DOCK4: variants seen among roughly 807,000 people sequenced by gnomAD.
The protein encoded by DOCK4 is dedicator of cytokinesis protein 4.
DOCK4 carries 97 observed loss-of-function variants against 268.1 expected under a neutral mutation model. The ratio of observed to expected loss-of-function variants is 0.36; its 90% confidence interval spans 0.31 to 0.43. The LOEUF (loss-of-function observed/expected upper bound fraction) is 0.43, where lower values mean the gene tolerates loss of function less well. Among genes scored for constraint, DOCK4 ranks in the 20% least tolerant of loss-of-function variants. The pLI, the probability that DOCK4 is intolerant of heterozygous loss-of-function variation, is 1.00. For synonymous variants in DOCK4, 954 were observed against 887.2 expected (o/e 1.08, Z -1.34); for missense variants, 2,145 against 2,455.7 (o/e 0.87, Z 2.67).
chr7:111,937,324 C>T (rs1323099427), intron 11 of DOCK4, among the ~76,000 whole-genome samples: 1 of 152,108 alleles, frequency 6.6e-6, no homozygotes, highest in Non-Finnish European at 1.5e-5. Context: ...ACTGTTTTGA[C>T]TGGTTAGTAT....
intron 5 of DOCK4, among the ~76,000 whole-genome samples, chr7:111,991,634 C>G (rs1799532880): frequency 6.6e-6 from 1 of 151,974 alleles, no homozygotes; most frequent in African/African-American, 2.4e-5. Context: ...GCATGAGACC[C>G]TAGGTAAATT....
chr7:111,994,743 G>A (rs191651892), intron 4 of DOCK4, among the ~76,000 whole-genome samples: 24 of 152,044 alleles, frequency 1.6e-4, no homozygotes, highest in Admixed American at 1.4e-3. Context: ...TCTTGATCTC[G>A]GTAACACTTA....
At chr7:112,118,111 T>A (rs1017593649) in intron 1 of DOCK4, among the ~76,000 whole-genome samples, 4 of 151,196 alleles carry the variant, frequency 2.6e-5, no homozygotes, top group Non-Finnish European at 5.9e-5. Flanking sequence ...ATCTCTGATC[T>A]TCTTGCAGAC....
intron 35 of DOCK4, among the ~76,000 whole-genome samples, chr7:111,780,040 G>A (rs755862591): frequency 6.6e-6 from 1 of 152,170 alleles, no homozygotes; most frequent in Non-Finnish European, 1.5e-5. Flanking sequence ...AAGAGGAAAG[G>A]CCAGGAATTC....
intron 1 of DOCK4, among the ~76,000 whole-genome samples, chr7:112,064,817 G>T (rs1372203458): frequency 6.6e-6 from 1 of 152,160 alleles, no homozygotes; most frequent in East Asian, 1.9e-4. Flanking sequence ...CCTGACTGGT[G>T]TTCTTGTAAG....
intron 28 of DOCK4, 100 bp downstream of exon 28, chr7:111,811,774 A>G (rs930538489): frequency 8.4e-6 from 6 of 712,882 alleles, no homozygotes; most frequent in Non-Finnish European, 1.5e-5. Context: ...TATTCCTCAT[A>G]GTTAAAACTA....
chr7:112,165,972 C>T (rs567505157), intron 1 of DOCK4, among the ~76,000 whole-genome samples: 2 of 152,252 alleles, frequency 1.3e-5, no homozygotes, highest in African/African-American at 4.8e-5. Flanking sequence ...CCTACAAGCA[C>T]CACTGCTGTT....
intron 25 of DOCK4, among the ~76,000 whole-genome samples, chr7:111,836,917 C>G (rs868719652): frequency 4.6e-5 from 7 of 151,830 alleles, no homozygotes; most frequent in Admixed American, 1.3e-4. Flanking sequence ...AGCAGAATAT[C>G]TATGTAACTG....
chr7:111,992,845 G>T (rs1021875382), intron 5 of DOCK4, among the ~76,000 whole-genome samples: 1 of 152,010 alleles, frequency 6.6e-6, no homozygotes, highest in Non-Finnish European at 1.5e-5. Flanking sequence ...CTTTTTCCAT[G>T]TTAGTGCCAT....
chr7:111,758,764 T>A lies in DOCK4; in HGVS notation c.4189A>T (p.Ile1397Phe), dbSNP rs772086671. 2.3e-5 allele frequency: 37 copies of A among 1,613,800 alleles called. No homozygotes were observed. The highest frequency in any genetic ancestry group is 8.3e-5 in the Admixed American group (5 of 59,998). The change falls in exon 41 of 53, where the codon ATT (isoleucine) becomes TTT (phenylalanine). Residue 1397 changes from isoleucine (I) to phenylalanine (F), a missense_variant. This residue lies in a region of DOCK4 where 1,598 missense variants were observed against 1,986.7 expected (regional missense o/e 0.80). Transcript: ENST00000428084. ...TGCAGGACCTCCTGGCTCTCTGGAA[T>A]GGGAGTCACAGCATATATCTGCAAA... ...QYLQIYAVTP[I>F]PESQEVLQRE...
chr7:111,734,903 A>G, intron 51 of DOCK4, 151 bp downstream of exon 51: 1 of 655,000 alleles, frequency 1.5e-6, no homozygotes, highest in Non-Finnish European at 2.7e-6. Context: ...TTCAGGAAAG[A>G]GGGAGACAAT....
At chr7:111,867,356 CAAG>C (rs1806057816) in intron 22 of DOCK4, among the ~76,000 whole-genome samples, 3 of 152,222 alleles carry the variant, frequency 2.0e-5, no homozygotes, top group Admixed American at 1.3e-4. Flanking sequence ...TAAAAGTATA[CAAG>C]AAGAATCAAG....
chr7:111,929,439 A>G (rs1188231442), intron 12 of DOCK4, among the ~76,000 whole-genome samples: 6 of 152,226 alleles, frequency 3.9e-5, no homozygotes, highest in Admixed American at 3.9e-4. Context: ...GTCAGCAAAA[A>G]GGTCACATAT....
intron 6 of DOCK4, among the ~76,000 whole-genome samples, chr7:111,988,556 G>A (rs1586581680): frequency 6.6e-6 from 1 of 152,044 alleles, no homozygotes; most frequent in Non-Finnish European, 1.5e-5. Context: ...ATAATAAAAG[G>A]CCCCACCAGT....
chr7:111,879,559 T>C (rs1807205355), intron 16 of DOCK4, among the ~76,000 whole-genome samples: 1 of 152,168 alleles, frequency 6.6e-6, no homozygotes, highest in African/African-American at 2.4e-5. Context: ...GGACAGCATT[T>C]CTGGACCTGC....
chr7:111,871,383 A>G (rs578248551), intron 20 of DOCK4, among the ~76,000 whole-genome samples: 64 of 152,328 alleles, frequency 4.2e-4, no homozygotes, highest in African/African-American at 1.5e-3. Flanking sequence ...GCCAAAGCAT[A>G]ATATTATTCA....
intron 30 of DOCK4, among the ~76,000 whole-genome samples, chr7:111,792,826 T>C (rs1469904760): frequency 1.3e-5 from 2 of 152,330 alleles, no homozygotes; most frequent in East Asian, 3.9e-4. Context: ...AAACCTCCAC[T>C]GTCTTTGGAA....
chr7:112,018,385 T>G (rs1299631085), intron 1 of DOCK4, among the ~76,000 whole-genome samples: 1 of 152,134 alleles, frequency 6.6e-6, no homozygotes, highest in Admixed American at 6.5e-5. Flanking sequence ...GAAACTGTAA[T>G]AGCCAAATCA....
chr7:111,957,071 C>A (rs371134162), intron 8 of DOCK4, among the ~76,000 whole-genome samples: 15 of 152,088 alleles, frequency 9.9e-5, no homozygotes, highest in African/African-American at 3.4e-4. Flanking sequence ...CTGGGAGCTA[C>A]AAAGCTTAAC....
Sources: gnomAD v4.1 joint callset for allele counts (sites outside exome capture counted in the v4.1 genomes callset) on GRCh38, gnomAD v4.1.1 for gene constraint, gnomAD v4.1.1 regional missense constraint, MANE v1.5 for transcripts, NCBI Gene and HGNC (gene_info 2026-07-23, HGNC 2026-07-21) for gene names.